Variants in NDUFAF6 observed in about 807,000 individuals in gnomAD.
NDUFAF6 encodes NADH:ubiquinone oxidoreductase complex assembly factor 6, also known as NADH dehydrogenase (ubiquinone) complex I, assembly factor 6.
In NDUFAF6, 45 loss-of-function variants were observed where a neutral mutation model predicts 40.8. The observed-to-expected ratio is 1.10, with a 90% CI of 0.87 to 1.42. NDUFAF6 has a LOEUF of 1.42. Ranked by LOEUF, NDUFAF6 falls within the 40% of genes most tolerant of loss-of-function variation. The probability of loss-of-function intolerance (pLI) is 0.00; values close to 1 mark genes in which losing one functional copy is unlikely to be tolerated. For synonymous variants in NDUFAF6, 185 were observed against 155.9 expected (o/e 1.19, Z -1.39); for missense variants, 435 against 418.5 (o/e 1.04, Z -0.34).
intron 4 of NDUFAF6, among the ~76,000 whole-genome samples, chr8:95,111,705 G>A (rs1322681804): frequency 6.6e-6 from 1 of 152,136 alleles, no homozygotes; most frequent in African/African-American, 2.4e-5. Context: ...ATCCACCATG[G>A]CCAGCTGTCC....
downstream of NDUFAF6, among the ~76,000 whole-genome samples, chr8:95,061,093 T>C (rs144807795): frequency 6.6e-6 from 1 of 152,216 alleles, no homozygotes; most frequent in African/African-American, 2.4e-5. Context: ...GAAGAAGCAG[T>C]GTGTACAAAG....
intron 5 of NDUFAF6, 31 bp from the exon 6 acceptor site, chr8:95,046,963 G>A: frequency 6.2e-7 from 1 of 1,613,496 alleles, no homozygotes; most frequent in Non-Finnish European, 8.5e-7. Context: ...ACTTAGAATA[G>A]AGCAGCCCTG....
intron 1 of NDUFAF6, chr8:94,975,539 C>T (rs1468086524): frequency 1.3e-5 from 2 of 152,370 alleles, no homozygotes; most frequent in South Asian, 4.1e-4. Context: ...CTGGAAGCTT[C>T]CTTTGTTGCT....
intron 1 of NDUFAF6, among the ~76,000 whole-genome samples, chr8:95,026,936 A>G (rs1828217537): frequency 1.3e-5 from 2 of 149,250 alleles, no homozygotes; most frequent in Admixed American, 1.3e-4. Context: ...GGTCCCAGCT[A>G]CTGCGAGGCT....
chr8:94,897,866 G>A (rs1323737709), intron 1 of NDUFAF6, among the ~76,000 whole-genome samples: 1 of 152,074 alleles, frequency 6.6e-6, no homozygotes, highest in Non-Finnish European at 1.5e-5. Flanking sequence ...TTTATAGCCA[G>A]TATTCAGCAG....
intron 2 of NDUFAF6, among the ~76,000 whole-genome samples, chr8:94,985,515 ATTTTTTTTTTTTTTTTTTTTTTTT>A (rs1200345448): frequency 3.5e-3 from 23 of 6,594 alleles, no homozygotes; most frequent in Admixed American, 9.9e-3. Context: ...ATATATATAT[ATTTTTTTTTTTTTTTTTTTTTTTT>A]TTTTTTTTTT....
chr8:94,931,976 A>G, intron 1 of NDUFAF6: 1 of 1,319,442 alleles, frequency 7.6e-7, no homozygotes, highest in East Asian at 2.5e-5. Context: ...CATCTCAAAA[A>G]AAGAAAGAAA....
At chr8:95,077,349 C>T (rs545419370), downstream of NDUFAF6, among the ~76,000 whole-genome samples, 17 of 152,244 alleles carry the variant, frequency 1.1e-4, no homozygotes, top group South Asian at 2.3e-3. Flanking sequence ...GAATATGTTC[C>T]GAGACTTCCA....
intron 4 of NDUFAF6, among the ~76,000 whole-genome samples, chr8:95,109,157 TC>T (rs1194114276): frequency 6.6e-6 from 1 of 152,110 alleles, no homozygotes; most frequent in Non-Finnish European, 1.5e-5. Context: ...TCAGACTAAA[TC>T]CCCCCAAAGC....
At chr8:94,930,576 AG>A in intron 1 of NDUFAF6, 1 of 1,614,248 alleles carries the variant, frequency 6.2e-7, no homozygotes, top group Non-Finnish European at 8.5e-7. Context: ...TTGGCGACGA[AG>A]GCTATTTCTG....
chr8:95,051,369 A>G (rs1187267685), intron 7 of NDUFAF6, among the ~76,000 whole-genome samples: 1 of 152,250 alleles, frequency 6.6e-6, no homozygotes, highest in African/African-American at 2.4e-5. Context: ...TTTACATGCT[A>G]CAGAGAGATT....
intron 2 of NDUFAF6, among the ~76,000 whole-genome samples, chr8:94,993,955 G>T (rs777672358): frequency 6.6e-6 from 1 of 152,120 alleles, no homozygotes. Context: ...AATTCATGTG[G>T]GAAGGGGAAA....
At chr8:95,030,775 G>A (rs1361145843) in intron 1 of NDUFAF6, among the ~76,000 whole-genome samples, 1 of 152,202 alleles carries the variant, frequency 6.6e-6, no homozygotes, top group Non-Finnish European at 1.5e-5. Context: ...CTGAGACTTG[G>A]TAATTTGTAA....
chr8:94,988,086 T>C (rs1826015103), intron 2 of NDUFAF6, among the ~76,000 whole-genome samples: 1 of 152,238 alleles, frequency 6.6e-6, no homozygotes, highest in African/African-American at 2.4e-5. Context: ...GTTGCTAACA[T>C]TGGTGTATCC....
chr8:95,053,275 G>T (rs143041077), intron 8 of NDUFAF6, among the ~76,000 whole-genome samples: 10 of 152,156 alleles, frequency 6.6e-5, no homozygotes, highest in Non-Finnish European at 7.3e-5. Flanking sequence ...CAATTCTACC[G>T]TATCTAGAGA....
upstream of NDUFAF6, among the ~76,000 whole-genome samples, chr8:95,098,239 A>T (rs531209437): frequency 6.0e-4 from 92 of 152,372 alleles, no homozygotes; most frequent in Non-Finnish European, 1.0e-3. Context: ...ATTTTCTTTA[A>T]AAACTAGCTT....
intron 1 of NDUFAF6, among the ~76,000 whole-genome samples, chr8:94,933,403 GAAGA>G (rs1820625257): frequency 6.6e-6 from 1 of 152,112 alleles, no homozygotes; most frequent in Non-Finnish European, 1.5e-5. Context: ...GAAGAAGAAG[GAAGA>G]AAGAAGAAGA....
intron 2 of NDUFAF6, among the ~76,000 whole-genome samples, chr8:94,983,256 CTTTTTTTTTT>C (rs1173077785): frequency 6.0e-5 from 5 of 83,184 alleles, no homozygotes; most frequent in East Asian, 6.4e-4. Flanking sequence ...CTTTGCTATT[CTTTTTTTTTT>C]TTTTTTTTTT....
At chr8:94,962,783 C>CT (rs1823696692) in intron 1 of NDUFAF6, among the ~76,000 whole-genome samples, 3 of 108,764 alleles carry the variant, frequency 2.8e-5, no homozygotes, top group South Asian at 3.5e-4. Context: ...CTCCAAACTC[C>CT]TTTTTTTCTT....
Sources: allele counts gnomAD v4.1 joint callset (sites outside exome capture counted in the v4.1 genomes callset), GRCh38; gene constraint gnomAD v4.1.1; transcripts MANE v1.5; gene names NCBI Gene and HGNC (gene_info 2026-07-23, HGNC 2026-07-21).